EIF2B2: variants seen among roughly 807,000 people sequenced by gnomAD.
EIF2B2 encodes the protein translation initiation factor eIF2B subunit beta.
In EIF2B2, 34 loss-of-function variants were observed where a neutral mutation model predicts 34.7. The observed-to-expected ratio is 0.98, with a 90% CI of 0.75 to 1.31. The LOEUF (loss-of-function observed/expected upper bound fraction) is 1.31, where lower values mean the gene tolerates loss of function less well. EIF2B2 is among the 50% of genes most tolerant of loss of function. EIF2B2 has a pLI of 0.00. For synonymous variants in EIF2B2, 155 were observed against 171.6 expected, an observed-to-expected ratio of 0.90 and a Z score of 0.76; for missense variants, 361 against 447.7, an observed-to-expected ratio of 0.81 and a Z score of 1.75.
chr14:75,004,691 T>TATATATATATATATA (rs1566872954), intron 3 of EIF2B2, 46 bp from the exon 4 acceptor site: 1 of 60,682 alleles, frequency 1.6e-5, no homozygotes, highest in African/African-American at 2.8e-4. Context: ...ATATATATAT[T>TATATATATATATATA]TTTTTTTTTT....
chr14:75,006,979 C>T lies in EIF2B2; in HGVS notation c.831+265C>T, dbSNP rs1264639594. 8 of 603,120 alleles carry T rather than the reference C, an allele frequency of 1.3e-5. No individual in the cohort carries two copies. The highest frequency in any genetic ancestry group is 1.1e-4 in the African/African-American group (6 of 54,908). 37.4% of individuals were successfully genotyped at this position (603,120 alleles called of 1,614,324 possible). On this transcript the variant is annotated intron_variant, in intron 6 of 7. Coordinates refer to ENST00000266126, the MANE Select transcript of EIF2B2 (RefSeq NM_014239.4). This position sits in a 1 kb window ranked among gnomAD's most constrained non-coding sequence, Gnocchi z 4.1. ...AAGGTCCTTTGCTTACGATTGCCAC[C>T]ACTCCCTGTCGCCTGACCATTTCTG...
intron 4 of EIF2B2, 147 bp from the exon 5 acceptor site, chr14:75,005,719 C>T: frequency 1.5e-6 from 1 of 683,788 alleles, no homozygotes; most frequent in South Asian, 1.4e-5. Context: ...TCTGAAAAAT[C>T]AGTTGTCCGA....
At position 75,009,255 on chromosome 14, in the gene EIF2B2, C is replaced by T; in HGVS notation, c.*67C>T. The T allele has an allele frequency of 6.3e-7, 1 of 1,589,282 alleles. No homozygotes were observed. Among genetic ancestry groups the T allele is most frequent in the Non-Finnish European group, 8.6e-7 (1 of 1,160,228 alleles). Reference sequence around the variant, plus strand: ...GAATGAAGAGGAGACTTGAGTGTTGCTGCTGAAGCACATCCTTGCAATGTG... The same window carrying T: ...GAATGAAGAGGAGACTTGAGTGTTGTTGCTGAAGCACATCCTTGCAATGTG... On this transcript the variant is annotated 3_prime_UTR_variant, in exon 8 of 8. Transcript: ENST00000266126.
rs1889569248 is a variant in EIF2B2, at chr14:75,003,322, G to A, written c.211G>A (p.Ala71Thr). The part of the protein sequence containing the change: ...IRREGRRMTA[A>T]QPSETTVGNM... ...CAGAGAGGGCAGGAGGATGACGGCC[G>A]CTCAGCCCTCCGAGACCACCGTGGG... Residue 71 changes from alanine to threonine, a missense_variant, in exon 2 of 8, where the codon GCT (alanine) becomes ACT (threonine). Coordinates refer to ENST00000266126, the MANE Select transcript of EIF2B2 (RefSeq NM_014239.4). The A allele has an allele frequency of 6.2e-7, 1 of 1,613,672 alleles. No homozygotes were observed. Among genetic ancestry groups the A allele is most frequent in the Admixed American group, 1.7e-5 (1 of 59,956 alleles).
In EIF2B2 at chr14:75,009,131, T is replaced by A. The variant is rs147596765; in HGVS notation, c.999T>A (p.Pro333=). The A allele has an allele frequency of 1.4e-4, 227 of 1,614,028 alleles. No individual in the cohort carries two copies. The highest frequency in any genetic ancestry group is 1.9e-4 in the Non-Finnish European group (219 of 1,180,016). Reference sequence around the variant, plus strand: ...TCTCCAACATTGGTGGGAATGCACCTTCCTACATCTACCGCCTGATGAGTG... The same window carrying A: ...TCTCCAACATTGGTGGGAATGCACCATCCTACATCTACCGCCTGATGAGTG... ...LFISNIGGNA[P]SYIYRLMSEL... Residue 333 remains proline, a synonymous_variant, in exon 8 of 8, where the codon CCT becomes CCA. Transcript: ENST00000266126.
In EIF2B2 at chr14:75,009,176, T is replaced by C; in HGVS notation, c.1044T>C (p.Asp348=). ...TGAGTGAACTCTACCATCCTGATGATCATGTTTTATGACCGACCACACGTG... is the reference window on the plus strand; with the variant it reads ...TGAGTGAACTCTACCATCCTGATGACCATGTTTTATGACCGACCACACGTG... ...RLMSELYHPD[D]HVL Residue 348 remains aspartate, a synonymous_variant, in exon 8 of 8, where the codon GAT becomes GAC. Coordinates refer to ENST00000266126, the MANE Select transcript of EIF2B2 (RefSeq NM_014239.4). 6.2e-7 allele frequency: 1 copy of C among 1,614,000 alleles called. No homozygotes were observed. Among genetic ancestry groups the C allele is most frequent in the Non-Finnish European group, 8.5e-7 (1 of 1,179,982 alleles).
intron 3 of EIF2B2, 47 bp from the exon 4 acceptor site, chr14:75,004,690 T>TATATATAA (rs764926377): frequency 1.5e-4 from 14 of 90,588 alleles, no homozygotes; most frequent in South Asian, 4.8e-4. Flanking sequence ...TATATATATA[T>TATATATAA]TTTTTTTTTT....
rs764232354 is a variant in EIF2B2, at chr14:75,003,294, C to G, written c.183C>G (p.Ile61Met). 1 of 1,613,852 alleles carries G rather than the reference C, an allele frequency of 6.2e-7. No individual in the cohort carries two copies. The highest frequency in any genetic ancestry group is 2.2e-5 in the East Asian group (1 of 44,866). ...WSNAGELMELIRREGRRMTAA... is the reference protein window; with the variant it reads ...WSNAGELMELMRREGRRMTAA... The stretch of plus-strand genomic sequence containing the variant: ...CTGTAGGGGAGCTGATGGAGCTGAT[C>G]CGCAGAGAGGGCAGGAGGATGACGG... Residue 61 changes from isoleucine (I) to methionine (M), a missense_variant, in exon 2 of 8, where the codon ATC becomes ATG. Coordinates refer to ENST00000266126, the MANE Select transcript of EIF2B2 (RefSeq NM_014239.4).
chr14:75,006,422 A>G lies in EIF2B2; in HGVS notation c.694-155A>G. 9.4e-7 allele frequency: 1 copy of G among 1,065,566 alleles called. No homozygotes were observed. Among genetic ancestry groups the G allele is most frequent in the Non-Finnish European group, 1.4e-6 (1 of 738,776 alleles). The allele number at this position is 1,065,566 out of a possible 1,614,324, so 66.0% of individuals were successfully genotyped here. On this transcript the variant is annotated intron_variant, in intron 5 of 7. Coordinates refer to ENST00000266126, the MANE Select transcript of EIF2B2 (RefSeq NM_014239.4). This position sits in a 1 kb window ranked among gnomAD's most constrained non-coding sequence, Gnocchi z 4.1. ...TTCCTTGGAAACCTACTTTTAAGCT[A>G]GAACTTGTATTGAGCCAGGGATCCC...
At chr14:75,004,017 C>A (rs568141204) in intron 3 of EIF2B2, among the ~76,000 whole-genome samples, 1 of 152,342 alleles carries the variant, frequency 6.6e-6, no homozygotes, top group South Asian at 2.1e-4. Flanking sequence ...ACCTCCTTCA[C>A]TATCTGAATT....
Position 75,006,356 on chromosome 14 carries a change from A to G in EIF2B2, c.694-221A>G. ...TTCCAGAAAATATGGGACTGAGAGCAGTAGGTTTTGCAGTTTCTTGTCCCA... is the reference window on the plus strand; with the variant it reads ...TTCCAGAAAATATGGGACTGAGAGCGGTAGGTTTTGCAGTTTCTTGTCCCA... On this transcript the variant is annotated intron_variant, in intron 5 of 7. Transcript: ENST00000266126. The surrounding 1 kb of genome is among the most constrained non-coding windows in gnomAD (Gnocchi z 4.1). The G allele has an allele frequency of 1.6e-6, 1 of 633,186 alleles. No individual in the cohort carries two copies. The highest frequency in any genetic ancestry group is 2.7e-6 in the Non-Finnish European group (1 of 369,542). 39.2% of individuals were successfully genotyped at this position (633,186 alleles called of 1,614,324 possible). A position where few individuals can be genotyped will look rare whatever the true frequency, so the allele number is the denominator to read the frequency against.
rs1889649599 is a variant in EIF2B2, at chr14:75,007,802, G to C, written c.898+14G>C. On this transcript the variant is annotated intron_variant, in intron 7 of 7. Transcript: ENST00000266126. ...CATTCACAGAAGGTACAGAAGCTGT[G>C]TGTGCATGCGTGCATGTGTTGTGTG... 6.2e-6 allele frequency: 10 copies of C among 1,612,720 alleles called. No individual in the cohort carries two copies. Among genetic ancestry groups the C allele is most frequent in the Non-Finnish European group, 8.5e-6 (10 of 1,179,154 alleles).
At position 75,004,839 on chromosome 14, in the gene EIF2B2, A is replaced by G. The variant is rs757027574; in HGVS notation, c.536A>G (p.Lys179Arg). Residue 179 changes from lysine (K) to arginine (R), a missense_variant, in exon 4 of 8, where the codon AAA becomes AGA. Physicochemically the swap from Lys to Arg is conservative, Grantham distance 26 (BLOSUM62 2). Transcript: ENST00000266126. ...TCCCGAACAGTAGAGGCCTTCCTCA[A>G]AGAGGCTGCCCGAAAGAGGAAATTC... is the stretch of plus-strand genomic sequence containing the variant. ...GFSRTVEAFL[K>R]EAARKRKFHV... 22 of 1,613,116 alleles carry G rather than the reference A, an allele frequency of 1.4e-5. No homozygotes were observed. The highest frequency in any genetic ancestry group is 1.7e-4 in the Middle Eastern group (1 of 6,054).
intron 7 of EIF2B2, chr14:75,008,568 G>T: frequency 3.6e-6 from 1 of 275,740 alleles, no homozygotes; most frequent in South Asian, 4.2e-5. Flanking sequence ...GGCTGATGTG[G>T]TAGAAAGTGG....
chr14:75,004,666 C>CATATAT lies in EIF2B2; in HGVS notation c.434-52_434-47dup, dbSNP rs1230382829. On this transcript the variant is annotated intron_variant, in intron 3 of 7. Transcript: ENST00000266126. Reference sequence around the variant, plus strand: ...ATGTGTGTTTGTGATATAGCAATTTCATATATATATATATATATATATATT... The same window carrying CATATAT: ...ATGTGTGTTTGTGATATAGCAATTTCATATATATATATATATATATATATATATATT... 1,387 of 183,640 alleles carry CATATAT rather than the reference C, an allele frequency of 7.6e-3. 45 individuals are homozygous for CATATAT. The highest frequency in any genetic ancestry group is 0.028 in the South Asian group (111 of 4,006). The allele number at this position is 183,640 out of a possible 1,614,324, so 11.4% of individuals were successfully genotyped here.
In EIF2B2 at chr14:75,012,270, A is replaced by C. The variant is rs1465318444; in HGVS notation, c.*3082A>C. ...AGAAACTCGGAAAAAAACAAACAAA[A>C]AAACAACTGTTGTAGCTTGGAGAGA... On this transcript the variant is annotated 3_prime_UTR_variant, in exon 8 of 8. Transcript: ENST00000266126. 3 of 152,172 alleles carry C rather than the reference A, an allele frequency of 2.0e-5. No individual in the cohort carries two copies. Among genetic ancestry groups the C allele is most frequent in the Non-Finnish European group, 2.9e-5 (2 of 68,040 alleles). 9.4% of individuals were successfully genotyped at this position (152,172 alleles called of 1,614,324 possible). A position where few individuals can be genotyped will look rare whatever the true frequency, so the allele number is the denominator to read the frequency against.
intron 6 of EIF2B2, chr14:75,007,462 A>G (rs1264541492): frequency 5.1e-6 from 2 of 395,216 alleles, no homozygotes; most frequent in East Asian, 5.6e-5. Context: ...TGATGTTTTC[A>G]AAGTTCATCC....
intron 4 of EIF2B2, among the ~76,000 whole-genome samples, chr14:75,005,490 C>T (rs1889614432): frequency 6.6e-6 from 1 of 152,118 alleles, no homozygotes; most frequent in Non-Finnish European, 1.5e-5. Flanking sequence ...GGTCTGACCT[C>T]ACTTGATCCT....
chr14:75,008,178 C>T (rs936704687), intron 7 of EIF2B2: 3 of 283,366 alleles, frequency 1.1e-5, no homozygotes, highest in Admixed American at 1.0e-4. Context: ...GTGAAATGTT[C>T]CTCCTTAGAA....
Sources: allele counts gnomAD v4.1 joint callset (sites outside exome capture counted in the v4.1 genomes callset), GRCh38; gene constraint gnomAD v4.1.1; non-coding constraint Gnocchi (gnomAD v3.1); transcripts MANE v1.5; gene names NCBI Gene and HGNC (gene_info 2026-07-23, HGNC 2026-07-21).